The following ST6GAL1 variants were observed in gnomAD, a reference collection of about 807,000 sequenced individuals.
ST6GAL1 encodes ST6 beta-galactoside alpha-2,6-sialyltransferase 1, also known as beta-galactoside alpha-2,6-sialyltransferase 1.
In ST6GAL1, 20 loss-of-function variants were observed where a neutral mutation model predicts 38.0. The ratio of observed to expected loss-of-function variants is 0.53; its 90% CI spans 0.37 to 0.77. The LOEUF (loss-of-function observed/expected upper bound fraction) is 0.77. Among genes scored for constraint, ST6GAL1 ranks in the 30% least tolerant of loss-of-function variants. The pLI is 0.00. For missense variants in ST6GAL1, 432 were observed against 496.4 expected, an observed-to-expected ratio of 0.87 and a Z score of 1.23; for synonymous variants, 196 against 188.2, an observed-to-expected ratio of 1.04 and a Z score of -0.34.
chr3:187,051,169 CT>C (rs1186427573), intron 4 of ST6GAL1, 79 bp from the exon 5 acceptor site: 2 of 1,244,960 alleles, frequency 1.6e-6, no homozygotes, highest in African/African-American at 3.0e-5. Flanking sequence ...CCCTTGCCCC[CT>C]CCCCCGCCTC....
At chr3:187,039,650 T>G (rs982300837) in intron 3 of ST6GAL1, among the ~76,000 whole-genome samples, 6 of 152,186 alleles carry the variant, frequency 3.9e-5, no homozygotes, top group Non-Finnish European at 7.4e-5. Flanking sequence ...GCTTAGTGTG[T>G]TTTTCCAAAA....
intron 1 of ST6GAL1, among the ~76,000 whole-genome samples, chr3:186,934,695 T>C (rs1713878613): frequency 6.6e-6 from 1 of 152,226 alleles, no homozygotes; most frequent in South Asian, 2.1e-4. Context: ...TGCATTCTTA[T>C]GACTGGTCAG....
chr3:187,075,420 A>G lies in ST6GAL1; in HGVS notation c.980-142A>G. ...CTGGGCTTGGCTTGCTGAAACTTAGATTGGGAATCACAGTCATAAATAGAA... is the reference window on the plus strand; with the variant it reads ...CTGGGCTTGGCTTGCTGAAACTTAGGTTGGGAATCACAGTCATAAATAGAA... On this transcript the variant is annotated intron_variant, in intron 7 of 7. Coordinates refer to ENST00000169298, the MANE Select transcript of ST6GAL1 (RefSeq NM_173216.2). This position sits in a 1 kb window ranked among gnomAD's most constrained non-coding sequence, Gnocchi z 4.1. 7.7e-7 allele frequency: 1 copy of G among 1,302,416 alleles called. No individual in the cohort carries two copies. Among genetic ancestry groups the G allele is most frequent in the South Asian group, 1.4e-5 (1 of 69,288 alleles). 80.7% of individuals were successfully genotyped at this position (1,302,416 alleles called of 1,614,324 possible). A position where few individuals can be genotyped will look rare whatever the true frequency, so the allele number is the denominator to read the frequency against.
At chr3:186,945,539 CTT>C (rs1425317830) in intron 1 of ST6GAL1, among the ~76,000 whole-genome samples, 3 of 152,088 alleles carry the variant, frequency 2.0e-5, no homozygotes, top group Non-Finnish European at 2.9e-5. Context: ...TTGGTGAACT[CTT>C]AATCCGTTCA....
chr3:186,981,950 TG>T (rs1208919886), intron 2 of ST6GAL1, among the ~76,000 whole-genome samples: 2 of 152,240 alleles, frequency 1.3e-5, no homozygotes, highest in African/African-American at 4.8e-5. Flanking sequence ...GATTGTGTGC[TG>T]GGTGCTTTAC....
chr3:186,955,279 T>C (rs916444659), intron 1 of ST6GAL1, among the ~76,000 whole-genome samples: 7 of 152,226 alleles, frequency 4.6e-5, no homozygotes, highest in African/African-American at 1.7e-4. Context: ...CCTCCAGCTT[T>C]GTTCTTTTTG....
In ST6GAL1 at chr3:187,075,797, C is replaced by T. The variant is rs1305142792; in HGVS notation, c.1215C>T (p.His405=). 1.2e-6 allele frequency: 2 copies of T among 1,614,070 alleles called. No homozygotes were observed. Among genetic ancestry groups the T allele is most frequent in the African/African-American group, 2.7e-5 (2 of 74,942 alleles). ...CACTGCCTGGCTTCCGGACCATTCA[C>T]TGCTAAGCACAGGCTCCTCACTCTT... ...KATLPGFRTI[H]C is the part of the protein sequence containing the mutation. Residue 405 remains histidine, a synonymous_variant, in exon 8 of 8, where the codon CAC becomes CAT. Coordinates refer to ENST00000169298, the MANE Select transcript of ST6GAL1 (RefSeq NM_173216.2). This position sits in a 1 kb window ranked among gnomAD's most constrained non-coding sequence, Gnocchi z 4.1.
At chr3:187,026,307 G>T (rs991362934) in intron 2 of ST6GAL1, among the ~76,000 whole-genome samples, 1 of 152,184 alleles carries the variant, frequency 6.6e-6, no homozygotes. Flanking sequence ...GAGCCAGACA[G>T]CCTGGGCAGG....
rs754362025 is a variant in ST6GAL1, at chr3:187,043,316, T to A, written c.607+6T>A. 4.4e-5 allele frequency: 70 copies of A among 1,609,070 alleles called. No homozygotes were observed. The highest frequency in any genetic ancestry group is 5.7e-5 in the Non-Finnish European group (67 of 1,177,452). ...CCAACTAGGCAGAGAAATCGGTATG[T>A]TCTGGGGTTGTTCTGTGAATGGCAG... On this transcript the variant is annotated splice_donor_region_variant and intron_variant, in intron 4 of 7. Coordinates refer to ENST00000169298, the MANE Select transcript of ST6GAL1 (RefSeq NM_173216.2).
chr3:186,940,639 G>A (rs1714134451), intron 1 of ST6GAL1, among the ~76,000 whole-genome samples: 1 of 152,184 alleles, frequency 6.6e-6, no homozygotes, highest in African/African-American at 2.4e-5. Context: ...TAGTGTTAGT[G>A]TATTTTATGT....
At chr3:187,024,493 T>TATATATATAG (rs1275438498) in intron 2 of ST6GAL1, among the ~76,000 whole-genome samples, 6 of 85,800 alleles carry the variant, frequency 7.0e-5, no homozygotes, top group Middle Eastern at 5.3e-3. Context: ...TATATATATA[T>TATATATATAG]AGAGAGAGAG....
intron 2 of ST6GAL1, chr3:186,986,745 A>G (rs1715936765): frequency 6.6e-6 from 1 of 152,190 alleles, no homozygotes; most frequent in South Asian, 2.1e-4. Flanking sequence ...AGGGGACAAG[A>G]GAGTTGGCCA....
intron 2 of ST6GAL1, among the ~76,000 whole-genome samples, chr3:187,034,413 G>T (rs905049876): frequency 6.6e-6 from 1 of 152,142 alleles, no homozygotes; most frequent in Non-Finnish European, 1.5e-5. Flanking sequence ...TATGAAGCCA[G>T]CATTACCCTG....
At chr3:186,941,263 G>A (rs571968830) in intron 1 of ST6GAL1, among the ~76,000 whole-genome samples, 1 of 152,174 alleles carries the variant, frequency 6.6e-6, no homozygotes, top group Admixed American at 6.5e-5. Flanking sequence ...GGAGGAGAGA[G>A]AACTGAAGAA....
intron 4 of ST6GAL1, among the ~76,000 whole-genome samples, chr3:187,045,660 G>A (rs982201302): frequency 6.6e-6 from 1 of 152,222 alleles, no homozygotes; most frequent in Non-Finnish European, 1.5e-5. Flanking sequence ...ACTGAGGTTT[G>A]AAAGCAGAGT....
chr3:187,051,933 TG>T (rs1718529974), intron 5 of ST6GAL1, among the ~76,000 whole-genome samples: 1 of 152,166 alleles, frequency 6.6e-6, no homozygotes, highest in African/African-American at 2.4e-5. Flanking sequence ...ATTTTATTAG[TG>T]GGAAAAACTG....
chr3:187,008,397 A>G (rs1017207400), intron 2 of ST6GAL1, among the ~76,000 whole-genome samples: 1 of 151,740 alleles, frequency 6.6e-6, no homozygotes, highest in African/African-American at 2.4e-5. Context: ...AGGAAGGAAG[A>G]AACCTATTCG....
chr3:186,995,658 A>G (rs2108548931), intron 2 of ST6GAL1, among the ~76,000 whole-genome samples: 1 of 152,172 alleles, frequency 6.6e-6, no homozygotes, highest in Non-Finnish European at 1.5e-5. Context: ...AACCTGGCCA[A>G]CATGGCGAGA....
At chr3:186,983,584 C>G (rs915125018) in intron 2 of ST6GAL1, among the ~76,000 whole-genome samples, 2 of 151,844 alleles carry the variant, frequency 1.3e-5, no homozygotes, top group Non-Finnish European at 2.9e-5. Context: ...GTTGAAGATA[C>G]CAAGCTTAGC....
Sources: allele counts gnomAD v4.1 joint callset (sites outside exome capture counted in the v4.1 genomes callset), GRCh38; gene constraint gnomAD v4.1.1; non-coding constraint Gnocchi (gnomAD v3.1); transcripts MANE v1.5; gene names NCBI Gene and HGNC (gene_info 2026-07-23, HGNC 2026-07-21).